The following VAT1L variants were observed in gnomAD, a reference collection of about 807,000 sequenced individuals.
VAT1L encodes the protein vesicle amine transport 1 like.
A neutral mutation model predicts 44.1 loss-of-function variants in VAT1L; 34 were observed. The ratio of observed to expected loss-of-function variants is 0.77; its 90% CI spans 0.59 to 1.03. The LOEUF (loss-of-function observed/expected upper bound fraction) is 1.03. Among genes scored for constraint, VAT1L ranks in the 50% least tolerant of loss-of-function variants. The pLI is 0.00. For synonymous variants in VAT1L, 253 were observed against 202.2 expected (o/e 1.25, Z -2.13); for missense variants, 615 against 538.8 (o/e 1.14, Z -1.40).
intron 5 of VAT1L, among the ~76,000 whole-genome samples, chr16:77,877,010 G>A (rs540049205): frequency 7.9e-5 from 12 of 151,950 alleles, no homozygotes; most frequent in South Asian, 4.2e-4. Context: ...CCTCCTGAGC[G>A]TCCCACTCTT....
At chr16:77,839,976 G>T (rs918800484) in intron 3 of VAT1L, among the ~76,000 whole-genome samples, 4 of 152,082 alleles carry the variant, frequency 2.6e-5, no homozygotes, top group African/African-American at 9.6e-5. Context: ...ACCTATATTT[G>T]CATCTTAGCT....
At chr16:77,946,515 T>G (rs529209400) in intron 7 of VAT1L, among the ~76,000 whole-genome samples, 3 of 150,906 alleles carry the variant, frequency 2.0e-5, no homozygotes, top group African/African-American at 7.3e-5. Flanking sequence ...ATCTCCTGAC[T>G]TCGTGATCTG....
chr16:77,827,314 C>T (rs544360470), intron 3 of VAT1L, among the ~76,000 whole-genome samples: 1 of 152,294 alleles, frequency 6.6e-6, no homozygotes, highest in South Asian at 2.1e-4. Context: ...TTTACAATGA[C>T]GCTGGACTCA....
intron 7 of VAT1L, among the ~76,000 whole-genome samples, chr16:77,948,019 C>G (rs1239295918): frequency 6.6e-6 from 1 of 152,206 alleles, no homozygotes; most frequent in African/African-American, 2.4e-5. Context: ...CTGGGCCTCC[C>G]AAAGTGCTGG....
At chr16:77,967,549 C>T (rs1324307355) in intron 7 of VAT1L, among the ~76,000 whole-genome samples, 1 of 152,176 alleles carries the variant, frequency 6.6e-6, no homozygotes, top group Admixed American at 6.5e-5. Flanking sequence ...CTTAAATGGC[C>T]TCTTGGAAAT....
At chr16:77,788,965 C>G in intron 1 of VAT1L, 50 bp downstream of exon 1, 19 of 1,407,904 alleles carry the variant, frequency 1.3e-5, no homozygotes, top group Non-Finnish European at 1.7e-5. Context: ...GCGCTGGGCG[C>G]TGGGGAGGGG....
intron 7 of VAT1L, among the ~76,000 whole-genome samples, chr16:77,938,455 A>G (rs1243930973): frequency 1.3e-5 from 2 of 152,190 alleles, no homozygotes; most frequent in Non-Finnish European, 1.5e-5. Flanking sequence ...TGTAATCCCC[A>G]GTGTTGGAGG....
At chr16:77,943,809 C>G (rs448570) in intron 7 of VAT1L, among the ~76,000 whole-genome samples, 62,137 of 152,010 alleles carry the variant, frequency 0.41, 12,879 homozygotes, top group Middle Eastern at 0.51. Flanking sequence ...GCATAGGGCT[C>G]TCACATAGCA....
intron 4 of VAT1L, among the ~76,000 whole-genome samples, chr16:77,873,657 G>T (rs940288627): frequency 5.3e-5 from 8 of 152,152 alleles, no homozygotes; most frequent in Non-Finnish European, 1.0e-4. Flanking sequence ...CCTATGATAG[G>T]TACTAAAAAG....
chr16:77,937,294 A>C (rs1262568511), intron 7 of VAT1L, among the ~76,000 whole-genome samples: 1 of 152,154 alleles, frequency 6.6e-6, no homozygotes, highest in Non-Finnish European at 1.5e-5. Flanking sequence ...GTGAGGGAAA[A>C]GATGGGCGGG....
intron 7 of VAT1L, among the ~76,000 whole-genome samples, chr16:77,885,438 G>T (rs2017200040): frequency 6.6e-6 from 1 of 152,052 alleles, no homozygotes; most frequent in South Asian, 2.1e-4. Flanking sequence ...GAGAAGGCAG[G>T]GTCTAGAAAA....
At chr16:77,806,799 A>G (rs756894498) in intron 1 of VAT1L, among the ~76,000 whole-genome samples, 27 of 152,168 alleles carry the variant, frequency 1.8e-4, no homozygotes, top group Non-Finnish European at 3.5e-4. Context: ...CTGTCATATC[A>G]TAGCAAAAAT....
In VAT1L at chr16:77,946,279, CTTT is replaced by C. The variant is rs66461822; in HGVS notation, c.1078-25551_1078-25549del. The stretch of plus-strand genomic sequence containing the variant: ...GTTCTGGACATCTAGGTTACTTGTT[CTTT>C]TTTTTTTTTTTTTTTTTTTGAGACA... On this transcript the variant is annotated intron_variant, in intron 7 of 8. Coordinates refer to ENST00000302536, the MANE Select transcript of VAT1L (RefSeq NM_020927.3). Among the ~76,000 whole-genome samples the C allele has an allele frequency of 1.7e-3, 122 of 70,418 alleles. 1 individual carries two copies. The highest frequency in any genetic ancestry group is 5.6e-3 in the African/African-American group (106 of 18,908). The allele number at this position is 70,418 out of a possible 152,430, so 46.2% of individuals were successfully genotyped here.
At chr16:77,902,330 A>G (rs2017391685) in intron 7 of VAT1L, among the ~76,000 whole-genome samples, 2 of 152,210 alleles carry the variant, frequency 1.3e-5, no homozygotes, top group Non-Finnish European at 2.9e-5. Context: ...GGGGTTTTTT[A>G]TATAATTTAT....
At chr16:77,921,454 A>G (rs1031296892) in intron 7 of VAT1L, among the ~76,000 whole-genome samples, 2 of 152,216 alleles carry the variant, frequency 1.3e-5, no homozygotes, top group East Asian at 1.9e-4. Flanking sequence ...AGAGAAAACT[A>G]TTTCTCTTGA....
At chr16:77,917,537 A>T (rs187601233) in intron 7 of VAT1L, among the ~76,000 whole-genome samples, 1 of 152,300 alleles carries the variant, frequency 6.6e-6, no homozygotes, top group Admixed American at 6.5e-5. Flanking sequence ...GCACTTTTTC[A>T]TTCAGCTCAG....
chr16:77,847,043 A>G (rs1224548704), intron 3 of VAT1L, among the ~76,000 whole-genome samples: 1 of 152,192 alleles, frequency 6.6e-6, no homozygotes, highest in Non-Finnish European at 1.5e-5. Flanking sequence ...TCATAATAAT[A>G]CTTTTTATAA....
intron 1 of VAT1L, among the ~76,000 whole-genome samples, chr16:77,789,425 G>T (rs1168666087): frequency 1.3e-5 from 2 of 152,112 alleles, no homozygotes; most frequent in Non-Finnish European, 1.5e-5. Flanking sequence ...TGAGTGATTT[G>T]CCCAAGATCA....
intron 7 of VAT1L, among the ~76,000 whole-genome samples, chr16:77,897,302 T>C (rs1467732842): frequency 6.6e-6 from 1 of 152,192 alleles, no homozygotes; most frequent in Non-Finnish European, 1.5e-5. Context: ...GATACTACCA[T>C]GTTCCTTGTT....
Sources: gnomAD v4.1 joint callset for allele counts (sites outside exome capture counted in the v4.1 genomes callset) on GRCh38, gnomAD v4.1.1 for gene constraint, MANE v1.5 for transcripts, NCBI Gene and HGNC (gene_info 2026-07-23, HGNC 2026-07-21) for gene names.